C17orf99: variants seen among roughly 807,000 people sequenced by gnomAD.
C17orf99 encodes the protein chromosome 17 open reading frame 99.
In C17orf99, 18 loss-of-function variants were observed where a neutral mutation model predicts 22.6. That is an observed-to-expected ratio of 0.80 (90% CI 0.55 to 1.18). C17orf99 has a LOEUF of 1.18. Ranked by LOEUF, C17orf99 falls within the 50% of genes most tolerant of loss-of-function variation. C17orf99 has a pLI of 0.00. For synonymous variants in C17orf99, 147 were observed against 136.6 expected, an observed-to-expected ratio of 1.08 and a Z score of -0.53; for missense variants, 328 against 342.7, an observed-to-expected ratio of 0.96 and a Z score of 0.34.
intron 2 of C17orf99, among the ~76,000 whole-genome samples, chr17:78,153,480 G>A (rs951512718): frequency 5.8e-5 from 8 of 138,074 alleles, no homozygotes; most frequent in Non-Finnish European, 7.4e-5. Context: ...GCAAGACTCC[G>A]TCTCAAAAAA....
intron 2 of C17orf99, among the ~76,000 whole-genome samples, chr17:78,153,918 C>CTTTTT (rs532705146): frequency 1.2e-3 from 98 of 79,546 alleles, no homozygotes; most frequent in Middle Eastern, 0.016. Context: ...AGTATTCCTT[C>CTTTTT]TTTTTTTTTT....
At chr17:78,147,291 C>G (rs1341009469) in intron 2 of C17orf99, among the ~76,000 whole-genome samples, 1 of 152,142 alleles carries the variant, frequency 6.6e-6, no homozygotes, top group Admixed American at 6.5e-5. Context: ...GGCGAGGCCC[C>G]GTGGAGGGCT....
intron 3 of C17orf99, among the ~76,000 whole-genome samples, chr17:78,163,843 G>A (rs2075596300): frequency 6.6e-6 from 1 of 152,238 alleles, no homozygotes; most frequent in Non-Finnish European, 1.5e-5. Flanking sequence ...TCCAGCCTGG[G>A]CGACAGAGCA....
intron 2 of C17orf99, 89 bp from the exon 3 acceptor site, chr17:78,160,866 G>A: frequency 9.3e-7 from 1 of 1,080,782 alleles, no homozygotes; most frequent in Non-Finnish European, 1.3e-6. Context: ...ACAGGTGTTT[G>A]CCACCGAGCC....
chr17:78,165,136 A>G, intron 4 of C17orf99: 4 of 1,024,910 alleles, frequency 3.9e-6, no homozygotes, highest in Non-Finnish European at 4.7e-6. Flanking sequence ...ATGTAAAGTG[A>G]CCAAGGCCTT....
intron 2 of C17orf99, among the ~76,000 whole-genome samples, chr17:78,150,796 G>A (rs540009083): frequency 1.1e-4 from 16 of 152,080 alleles, no homozygotes; most frequent in Non-Finnish European, 2.1e-4. Flanking sequence ...GAGGATACAG[G>A]GGATTTTGAT....
intron 2 of C17orf99, among the ~76,000 whole-genome samples, chr17:78,156,332 G>GAA (rs769438256): frequency 1.3e-3 from 83 of 63,346 alleles, no homozygotes; most frequent in South Asian, 3.0e-3. Context: ...TCCTTCTCCA[G>GAA]AAAAAAAAAA....
At chr17:78,164,038 G>A (rs1476263353) in intron 3 of C17orf99, 57 bp from the exon 4 acceptor site, 6 of 1,385,288 alleles carry the variant, frequency 4.3e-6, no homozygotes, top group Middle Eastern at 1.8e-4. Context: ...ACTTACTGAG[G>A]AGGAGGGGTT....
intron 4 of C17orf99, 91 bp downstream of exon 4, chr17:78,164,455 G>A: frequency 1.3e-6 from 2 of 1,548,286 alleles, no homozygotes; most frequent in Non-Finnish European, 1.7e-6. Context: ...TGGGAAGTGG[G>A]ACAGCTCTAC....
rs997030667 is a variant in C17orf99 at position 78,161,028 on chromosome 17, C to T, written c.144C>T (p.Thr48=). Residue 48 remains threonine, a synonymous_variant, in exon 3 of 5, where the codon ACC becomes ACT. Coordinates refer to ENST00000340363, the MANE Select transcript of C17orf99 (RefSeq NM_001163075.2). ...VFPKGRWVLI[T]CCAPQPPPPI... is the part of the protein sequence containing the mutation. Reference sequence around the variant, plus strand: ...CCAAAGGCCGCTGGGTGCTCATAACCTGCTGTGCACCCCAGCCACCACCGC... The same window carrying T: ...CCAAAGGCCGCTGGGTGCTCATAACTTGCTGTGCACCCCAGCCACCACCGC... 2 of 1,551,398 alleles carry T rather than the reference C, an allele frequency of 1.3e-6. No homozygotes were observed. Among genetic ancestry groups the T allele is most frequent in the Non-Finnish European group, 1.7e-6 (2 of 1,146,730 alleles).
At chr17:78,149,867 G>A (rs761616360) in intron 2 of C17orf99, among the ~76,000 whole-genome samples, 28 of 151,988 alleles carry the variant, frequency 1.8e-4, no homozygotes, top group East Asian at 1.2e-3. Context: ...ATGCCACCAC[G>A]CCCAGCTAAT....
At chr17:78,153,918 CTTTTTTTTTTTTT>C (rs532705146) in intron 2 of C17orf99, among the ~76,000 whole-genome samples, 2 of 79,542 alleles carry the variant, frequency 2.5e-5, no homozygotes, top group Non-Finnish European at 4.5e-5. Flanking sequence ...AGTATTCCTT[CTTTTTTTTTTTTT>C]TTTTTTTTTT....
In C17orf99 at chr17:78,146,696, G is replaced by A. The variant is rs571177502; in HGVS notation, c.38-183G>A. ...TCTGCGAAATGGGCGGATGAGAGGC[G>A]ATGTTGTGGGGGGAGGGGCGCAAAA... is the stretch of plus-strand genomic sequence containing the variant. On this transcript the variant is annotated intron_variant, in intron 1 of 4. Transcript: ENST00000340363. This position sits in a 1 kb window ranked among gnomAD's most constrained non-coding sequence, Gnocchi z 5.2. 7.9e-5 allele frequency among the ~76,000 whole-genome samples: 12 copies of A among 151,092 alleles called. No homozygotes were observed. In the South Asian group the frequency reaches 2.3e-3, roughly 29 times the overall value.
intron 2 of C17orf99, among the ~76,000 whole-genome samples, chr17:78,149,331 C>CAAAAA (rs35155993): frequency 4.9e-5 from 2 of 40,992 alleles, no homozygotes; most frequent in African/African-American, 9.4e-5. Context: ...GACTCTGCCT[C>CAAAAA]AAAAAAAAAA....
At position 78,164,187 on chromosome 17, in the gene C17orf99, C is replaced by G. The variant is rs1380390021; in HGVS notation, c.463C>G (p.Pro155Ala). Residue 155 changes from proline (P) to alanine (A), a missense_variant, in exon 4 of 5, where the codon CCA becomes GCA. Pro to Ala is a conservative substitution (Grantham distance 27, BLOSUM62 -1). Coordinates refer to ENST00000340363, the MANE Select transcript of C17orf99 (RefSeq NM_001163075.2). ...EMICQASSGS[P>A]PITNSLIGKD... Reference sequence around the variant, plus strand: ...GATCTGCCAGGCGTCCTCGGGCAGCCCACCTATCACCAACAGCCTGATCGG... The same window carrying G: ...GATCTGCCAGGCGTCCTCGGGCAGCGCACCTATCACCAACAGCCTGATCGG... 3.9e-6 allele frequency: 6 copies of G among 1,551,498 alleles called. No individual in the cohort carries two copies. The East Asian group carries it at 1.5e-4, about 38-fold the overall frequency.
rs1478587866 is a variant in C17orf99, at chr17:78,164,358, C to A, written c.634C>A (p.Pro212Thr). Residue 212 changes from proline to threonine, a missense_variant, in exon 4 of 5, where the codon CCC becomes ACC. By Grantham distance (38) the Pro-to-Thr change is conservative. Transcript: ENST00000340363. ...CCAGCACAGCGCCCTCACAGTGGTG[C>A]CCCCAGGTGAGAGGGCCCTTGGATT... is the stretch of plus-strand genomic sequence containing the variant. Reference protein sequence around the residue: ...NVQHSALTVVPPGGDQKMEDW... With the variant: ...NVQHSALTVVTPGGDQKMEDW... The A allele has an allele frequency of 6.4e-7, 1 of 1,551,362 alleles. No homozygotes were observed. The highest frequency in any genetic ancestry group is 1.2e-5 in the South Asian group (1 of 84,068).
rs1403720547 is a variant in C17orf99 at position 78,146,951 on chromosome 17, T to A, written c.70+40T>A. ...CTGCTGCAGGGAGAAGTCCCCCAGC[T>A]GGGACCCTGGTGTCAGAACCCCCAT... On this transcript the variant is annotated intron_variant, in intron 2 of 4. Transcript: ENST00000340363. The surrounding 1 kb of genome is among the most constrained non-coding windows in gnomAD (Gnocchi z 5.2). The A allele has an allele frequency of 1.9e-6, 3 of 1,539,472 alleles. No individual in the cohort carries two copies. In the South Asian group the frequency reaches 3.6e-5, roughly 18 times the overall value.
chr17:78,153,346 G>T (rs1345849217), intron 2 of C17orf99, among the ~76,000 whole-genome samples: 1 of 152,006 alleles, frequency 6.6e-6, no homozygotes, highest in South Asian at 2.1e-4. Context: ...TTAGCCGGGC[G>T]TGGTGGTGCA....
Position 78,161,010 on chromosome 17 carries a change from C to T in C17orf99, c.126C>T (p.Gly42=), listed in dbSNP as rs2075570826. The part of the protein sequence containing the change: ...AYKVLEVFPK[G]RWVLITCCAP... ...AAGTCCTGGAAGTTTTCCCCAAAGGCCGCTGGGTGCTCATAACCTGCTGTG... is the reference window on the plus strand; with the variant it reads ...AAGTCCTGGAAGTTTTCCCCAAAGGTCGCTGGGTGCTCATAACCTGCTGTG... The change falls in exon 3 of 5, where the codon GGC becomes GGT. Residue 42 remains glycine, a synonymous_variant. Transcript: ENST00000340363. 1.3e-6 allele frequency: 2 copies of T among 1,551,626 alleles called. No homozygotes were observed. The highest frequency in any genetic ancestry group is 1.7e-6 in the Non-Finnish European group (2 of 1,146,958).
Sources: gnomAD v4.1 joint callset for allele counts (sites outside exome capture counted in the v4.1 genomes callset) on GRCh38, gnomAD v4.1.1 for gene constraint, Gnocchi (gnomAD v3.1) non-coding constraint, MANE v1.5 for transcripts, NCBI Gene and HGNC (gene_info 2026-07-23, HGNC 2026-07-21) for gene names.